Variants in DOCK9 observed in about 807,000 individuals in gnomAD.
The protein encoded by DOCK9 is dedicator of cytokinesis protein 9.
Under a neutral mutation model 263.3 loss-of-function variants are expected in DOCK9, and 89 were observed. The observed-to-expected ratio is 0.34, with a 90% confidence interval of 0.28 to 0.40. The LOEUF is 0.40. Among genes scored for constraint, DOCK9 ranks in the 10% least tolerant of loss-of-function variants. DOCK9 has a pLI of 1.00. For synonymous variants in DOCK9, 976 were observed against 973.1 expected (o/e 1.00, Z -0.06); for missense variants, 2,140 against 2,603.4 (o/e 0.82, Z 3.87).
At chr13:98,814,935 C>T (rs1486265460) in intron 45 of DOCK9, among the ~76,000 whole-genome samples, 1 of 131,192 alleles carries the variant, frequency 7.6e-6, no homozygotes. Flanking sequence ...GATTCTGTCT[C>T]AAAATAAAAT....
chr13:98,943,356 T>C (rs774561423), intron 2 of DOCK9, among the ~76,000 whole-genome samples: 5 of 152,198 alleles, frequency 3.3e-5, no homozygotes, highest in Non-Finnish European at 5.9e-5. Flanking sequence ...CTCAATATTA[T>C]CTAGGTTCTT....
intron 1 of DOCK9, among the ~76,000 whole-genome samples, chr13:99,082,225 A>G (rs1382776250): frequency 6.6e-6 from 1 of 151,888 alleles, no homozygotes; most frequent in African/African-American, 2.4e-5. Flanking sequence ...CTCTAAAAGA[A>G]TAATAAATAA....
rs537315484 is a variant in DOCK9 at position 98,885,838 on chromosome 13, G to A, written c.2137-7C>T. On this transcript the variant is annotated splice_region_variant and splice_polypyrimidine_tract_variant and intron_variant, in intron 19 of 52. Transcript: ENST00000682017. ...TGGGCAACTCTATTTTAATCTGCAA[G>A]GGAAGACAAAATAACAACAAAATAT... 1.9e-6 allele frequency: 3 copies of A among 1,595,142 alleles called. No homozygotes were observed. Among genetic ancestry groups the A allele is most frequent in the African/African-American group, 2.7e-5 (2 of 73,980 alleles).
chr13:99,036,346 C>G (rs980540583), intron 1 of DOCK9, among the ~76,000 whole-genome samples: 1 of 151,968 alleles, frequency 6.6e-6, no homozygotes, highest in African/African-American at 2.4e-5. Flanking sequence ...GTTTAGTGCT[C>G]GTATAAAGAA....
intron 1 of DOCK9, among the ~76,000 whole-genome samples, chr13:98,987,359 T>C (rs1334259236): frequency 6.6e-6 from 1 of 151,958 alleles, no homozygotes; most frequent in Non-Finnish European, 1.5e-5. Context: ...AGAAAAAAAC[T>C]CTTCTAAGAA....
chr13:98,883,772 C>T (rs2045229458), intron 22 of DOCK9, 41 bp downstream of exon 22: 2 of 1,397,618 alleles, frequency 1.4e-6, no homozygotes, highest in East Asian at 2.3e-5. Flanking sequence ...CAAACTTTGT[C>T]ACAGGGCAGC....
intron 7 of DOCK9, among the ~76,000 whole-genome samples, chr13:98,919,780 A>T (rs892081376): frequency 6.6e-6 from 1 of 152,248 alleles, no homozygotes; most frequent in African/African-American, 2.4e-5. Context: ...TTGCGTGACT[A>T]AACAGGTCTC....
intron 19 of DOCK9, among the ~76,000 whole-genome samples, chr13:98,886,217 C>T (rs1466022605): frequency 6.6e-6 from 1 of 152,138 alleles, no homozygotes; most frequent in Non-Finnish European, 1.5e-5. Context: ...AAGAAAGATT[C>T]TCAGGTCCAA....
intron 1 of DOCK9, among the ~76,000 whole-genome samples, chr13:99,001,997 C>T (rs1466387182): frequency 1.3e-5 from 2 of 152,178 alleles, no homozygotes; most frequent in African/African-American, 2.4e-5. Flanking sequence ...CCCACCTACG[C>T]TTACATCCGT....
chr13:98,859,986 A>T (rs1220207665), intron 33 of DOCK9: 2 of 186,498 alleles, frequency 1.1e-5, no homozygotes, highest in Non-Finnish European at 2.1e-5. Context: ...TTAGCACTGA[A>T]TTCTAGCCAC....
intron 1 of DOCK9, chr13:98,959,515 G>T (rs116858778): frequency 6.6e-6 from 1 of 152,428 alleles, no homozygotes; most frequent in East Asian, 1.9e-4. Context: ...GGGATCAACT[G>T]GGAGTGGCTC....
intron 1 of DOCK9, among the ~76,000 whole-genome samples, chr13:99,005,041 A>C (rs12428186): frequency 2.6e-5 from 4 of 151,632 alleles, no homozygotes; most frequent in Non-Finnish European, 2.9e-5. Context: ...TTTTGCTGGG[A>C]CTTCTTTTGT....
intron 23 of DOCK9, 52 bp from the exon 24 acceptor site, chr13:98,882,059 C>G: frequency 1.4e-6 from 2 of 1,405,302 alleles, no homozygotes; most frequent in South Asian, 1.2e-5. Context: ...AGTAAACCAG[C>G]CTAAAGTAAC....
At chr13:98,822,557 T>C (rs1160048595) in intron 45 of DOCK9, among the ~76,000 whole-genome samples, 1 of 152,202 alleles carries the variant, frequency 6.6e-6, no homozygotes, top group Admixed American at 6.5e-5. Context: ...CAGTCATGCC[T>C]CTTCTCAGAG....
At chr13:98,987,894 T>A (rs986094909) in intron 1 of DOCK9, among the ~76,000 whole-genome samples, 1 of 152,194 alleles carries the variant, frequency 6.6e-6, no homozygotes. Flanking sequence ...ACAAAAAATA[T>A]TGGAGAGTTG....
intron 3 of DOCK9, among the ~76,000 whole-genome samples, chr13:98,928,256 TATACGATTAACATTTC>T (rs1302281271): frequency 2.6e-5 from 4 of 152,220 alleles, no homozygotes; most frequent in Non-Finnish European, 5.9e-5. Context: ...ACTGACTGAT[TATACGATTAACATTTC>T]AAACTGGTGA....
At chr13:98,827,725 T>A (rs1042772318) in intron 43 of DOCK9, among the ~76,000 whole-genome samples, 4 of 152,182 alleles carry the variant, frequency 2.6e-5, no homozygotes, top group Non-Finnish European at 5.9e-5. Context: ...AGTTCATGCC[T>A]CCCACGTGTG....
chr13:98,844,538 T>G (rs146708988), intron 38 of DOCK9, among the ~76,000 whole-genome samples: 1,816 of 152,198 alleles, frequency 0.012, 14 homozygotes, highest in Middle Eastern at 0.017. Context: ...AGTTTTTGTA[T>G]TTTTAGTAGA....
chr13:99,014,624 G>A (rs1474432809), intron 1 of DOCK9, among the ~76,000 whole-genome samples: 2 of 152,168 alleles, frequency 1.3e-5, no homozygotes, highest in Admixed American at 6.5e-5. Flanking sequence ...TGCATGCTTC[G>A]CTGTACCAAG....
Sources: gnomAD v4.1 joint callset for allele counts (sites outside exome capture counted in the v4.1 genomes callset) on GRCh38, gnomAD v4.1.1 for gene constraint, MANE v1.5 for transcripts, NCBI Gene and HGNC (gene_info 2026-07-23, HGNC 2026-07-21) for gene names.